Variants in FSTL4 observed in about 807,000 individuals in gnomAD.
FSTL4 encodes follistatin like 4.
FSTL4 carries 28 observed loss-of-function variants against 78.2 expected under a neutral mutation model. The observed-to-expected ratio is 0.36, with a 90% confidence interval of 0.27 to 0.49. FSTL4 has a LOEUF of 0.49. Ranked by LOEUF, FSTL4 falls within the 20% of genes least tolerant of loss-of-function variation. The probability of loss-of-function intolerance (pLI) is 0.98; values close to 1 mark genes in which losing one functional copy is unlikely to be tolerated. For synonymous variants in FSTL4, 422 were observed against 440.5 expected, an observed-to-expected ratio of 0.96 and a Z score of 0.53; for missense variants, 922 against 1,084.9, an observed-to-expected ratio of 0.85 and a Z score of 2.11.
the FSTL4 span, among the ~76,000 whole-genome samples, chr5:133,764,384 T>C: frequency 6.6e-6 from 1 of 152,112 alleles, no homozygotes; most frequent in Non-Finnish European, 1.5e-5. Flanking sequence ...CGGGCCCGTA[T>C]GATGCACCAG....
upstream of FSTL4, among the ~76,000 whole-genome samples, chr5:133,615,282 T>C (rs1761177488): frequency 6.6e-6 from 1 of 152,238 alleles, no homozygotes; most frequent in African/African-American, 2.4e-5. Flanking sequence ...CTTCCTTGTC[T>C]TGCATAATTT....
the FSTL4 span, among the ~76,000 whole-genome samples, chr5:133,773,415 T>G: frequency 6.6e-6 from 1 of 152,210 alleles, no homozygotes; most frequent in Non-Finnish European, 1.5e-5. Context: ...TTCCTTCACC[T>G]CTGGCTTCTA....
At chr5:133,292,859 C>G (rs185520776) in intron 6 of FSTL4, among the ~76,000 whole-genome samples, 15 of 152,240 alleles carry the variant, frequency 9.9e-5, no homozygotes, top group Non-Finnish European at 1.8e-4. Flanking sequence ...AATTAGAGAG[C>G]GCCACTGTGA....
Position 133,236,661 on chromosome 5 carries a change from C to T in FSTL4, c.895-3124G>A, listed in dbSNP as rs938122668. ...CCCCTCATACTCAGAGCCTTGTTTG[C>T]TGGGGGCCAGCCCCTCTCAGACCCT... On this transcript the variant is annotated intron_variant, in intron 7 of 15. Coordinates refer to ENST00000265342, the MANE Select transcript of FSTL4 (RefSeq NM_015082.2). The surrounding 1 kb of genome is among the most constrained non-coding windows in gnomAD (Gnocchi z 5.0). 8.5e-5 allele frequency among the ~76,000 whole-genome samples: 13 copies of T among 152,218 alleles called. No homozygotes were observed. Among genetic ancestry groups the T allele is most frequent in the Non-Finnish European group, 2.9e-5 (2 of 68,042 alleles).
At chr5:133,691,039 T>C in the FSTL4 span, among the ~76,000 whole-genome samples, 1 of 152,206 alleles carries the variant, frequency 6.6e-6, no homozygotes, top group African/African-American at 2.4e-5. Flanking sequence ...AATCCTGCCA[T>C]GCTTTGGATC....
At chr5:133,768,491 C>T in the FSTL4 span, among the ~76,000 whole-genome samples, 3 of 152,206 alleles carry the variant, frequency 2.0e-5, no homozygotes, top group African/African-American at 7.2e-5. Context: ...ACTCATTCAG[C>T]ATTAGCCTGA....
chr5:133,373,506 T>C (rs1755366275), intron 4 of FSTL4, among the ~76,000 whole-genome samples: 2 of 152,208 alleles, frequency 1.3e-5, no homozygotes, highest in South Asian at 4.1e-4. Flanking sequence ...TGGATGCACA[T>C]ACAAGAAGGA....
Position 133,522,886 on chromosome 5 carries a change from T to A in FSTL4, c.160+44300A>T, listed in dbSNP as rs565852907. The stretch of plus-strand genomic sequence containing the variant: ...GCCCTCAAGCACTGATTGGGAACTG[T>A]TAATATTACTTTTGTATTTTAATCA... On this transcript the variant is annotated intron_variant, in intron 3 of 15. Coordinates refer to ENST00000265342, the MANE Select transcript of FSTL4 (RefSeq NM_015082.2). Among the ~76,000 whole-genome samples the A allele has an allele frequency of 2.0e-5, 3 of 152,338 alleles. No homozygotes were observed. In the South Asian group the frequency reaches 6.2e-4, roughly 32 times the overall value.
intron 2 of FSTL4, among the ~76,000 whole-genome samples, chr5:133,569,084 T>C (rs755291588): frequency 2.0e-5 from 3 of 152,180 alleles, no homozygotes; most frequent in Non-Finnish European, 2.9e-5. Flanking sequence ...GTATATTTGA[T>C]GGCAATTTAA....
chr5:133,564,893 C>T (rs1412675984), intron 3 of FSTL4, among the ~76,000 whole-genome samples: 1 of 152,148 alleles, frequency 6.6e-6, no homozygotes, highest in Non-Finnish European at 1.5e-5. Context: ...TAACATTAGC[C>T]CCTCTCACTT....
At chr5:133,209,573 C>A (rs1329519606) in intron 14 of FSTL4, among the ~76,000 whole-genome samples, 1 of 152,126 alleles carries the variant, frequency 6.6e-6, no homozygotes, top group East Asian at 1.9e-4. Context: ...CAAGGCTGGG[C>A]AGGGCATACT....
At chr5:133,420,188 T>C (rs1438038780) in intron 3 of FSTL4, among the ~76,000 whole-genome samples, 2 of 152,180 alleles carry the variant, frequency 1.3e-5, no homozygotes, top group Non-Finnish European at 2.9e-5. Context: ...TTACATAAAA[T>C]TCAAAAATAG....
rs146018589 is a variant in FSTL4, at chr5:133,249,508, T to C, written c.796A>G (p.Thr266Ala). Reference sequence around the variant, plus strand: ...CCATGGACGGCGCAGGTCAGCACTGTGCTCAGCCCCACGGTCACTGTGGTC... The same window carrying C: ...CCATGGACGGCGCAGGTCAGCACTGCGCTCAGCCCCACGGTCACTGTGGTC... ...SVTTVTVGLSTVLTCAVHGDL... is the reference protein window; with the variant it reads ...SVTTVTVGLSAVLTCAVHGDL... The change falls in exon 7 of 16, where the codon ACA becomes GCA. Residue 266 changes from threonine (T) to alanine (A), a missense_variant. Coordinates refer to ENST00000265342, the MANE Select transcript of FSTL4 (RefSeq NM_015082.2). 1.9e-5 allele frequency: 31 copies of C among 1,613,556 alleles called. No homozygotes were observed. The highest frequency in any genetic ancestry group is 2.3e-5 in the Non-Finnish European group (27 of 1,179,684).
chr5:133,745,316 G>T, the FSTL4 span, among the ~76,000 whole-genome samples: 1 of 152,162 alleles, frequency 6.6e-6, no homozygotes, highest in Non-Finnish European at 1.5e-5. Context: ...ACCCAGATTA[G>T]AATTTAACAG....
chr5:133,494,268 T>C (rs918305790), intron 3 of FSTL4, among the ~76,000 whole-genome samples: 2 of 151,742 alleles, frequency 1.3e-5, no homozygotes, highest in Non-Finnish European at 2.9e-5. Context: ...ATAGAGGACT[T>C]CATGTGTGAT....
At chr5:133,645,907 G>C in the FSTL4 span, among the ~76,000 whole-genome samples, 1 of 152,098 alleles carries the variant, frequency 6.6e-6, no homozygotes, top group Non-Finnish European at 1.5e-5. Flanking sequence ...GGACTAACTG[G>C]GTGGCTGCAA....
At chr5:133,210,126 T>G in intron 14 of FSTL4, 65 bp downstream of exon 14, 1 of 850,076 alleles carries the variant, frequency 1.2e-6, no homozygotes, top group East Asian at 2.5e-5. Flanking sequence ...GAGATACTTA[T>G]TTTATAGGGA....
At chr5:133,544,290 C>T (rs187141238) in intron 3 of FSTL4, among the ~76,000 whole-genome samples, 63 of 152,150 alleles carry the variant, frequency 4.1e-4, no homozygotes, top group Admixed American at 7.2e-4. Context: ...ATTAAAATTG[C>T]CACAAATGAA....
In FSTL4 at chr5:133,414,227, G is replaced by A. The variant is rs141680836; in HGVS notation, c.161-13241C>T. Among the ~76,000 whole-genome samples the A allele has an allele frequency of 6.9e-3, 1,055 of 152,292 alleles. 15 individuals carry two copies. Among genetic ancestry groups the A allele is most frequent in the African/African-American group, 0.023 (951 of 41,548 alleles). The stretch of plus-strand genomic sequence containing the variant: ...GAGCTACAATTCCTTCTGGCGATCA[G>A]TCTATGGTTATACATTTTCAAGGAA... On this transcript the variant is annotated intron_variant, in intron 3 of 15. Coordinates refer to ENST00000265342, the MANE Select transcript of FSTL4 (RefSeq NM_015082.2).
Sources: allele counts gnomAD v4.1 joint callset (sites outside exome capture counted in the v4.1 genomes callset), GRCh38; gene constraint gnomAD v4.1.1; non-coding constraint Gnocchi (gnomAD v3.1); transcripts MANE v1.5; gene names NCBI Gene and HGNC (gene_info 2026-07-23, HGNC 2026-07-21).